ACACB: variants seen among roughly 807,000 people sequenced by gnomAD.
ACACB encodes the protein acetyl-CoA carboxylase beta, also known as acetyl-CoA carboxylase 2.
Under a neutral mutation model 278.8 loss-of-function variants are expected in ACACB, and 209 were observed. The observed-to-expected ratio is 0.75, with a 90% CI of 0.67 to 0.84. ACACB has a LOEUF of 0.84. Ranked by LOEUF, ACACB falls within the 40% of genes least tolerant of loss-of-function variation. The pLI is 0.00. For missense variants in ACACB, 2,850 were observed against 3,269.0 expected (o/e 0.87, Z 3.13); for synonymous variants, 1,174 against 1,285.6 (o/e 0.91, Z 1.86).
chr12:109,247,799 G>A, intron 40 of ACACB, 96 bp downstream of exon 40: 2 of 1,020,380 alleles, frequency 2.0e-6, no homozygotes, highest in East Asian at 2.5e-5. Context: ...CCAGTGGGGT[G>A]GTGGTGTTTG....
chr12:109,260,420 A>G, intron 47 of ACACB, 60 bp from the exon 48 acceptor site: 1 of 1,598,992 alleles, frequency 6.3e-7, no homozygotes, highest in South Asian at 1.1e-5. Context: ...CAACTAGGGC[A>G]GTGGGTTTCA....
At position 109,216,962 on chromosome 12, in the gene ACACB, A is replaced by C. The variant is rs116054310; in HGVS notation, c.3564+42A>C. ...CCTGTTACTAGACTGGGGGTGGGTC[A>C]GGAGTCCACAAACGTTTTCTTAAAA... On this transcript the variant is annotated intron_variant, in intron 24 of 52. Coordinates refer to ENST00000338432, the MANE Select transcript of ACACB (RefSeq NM_001093.4). 677 of 1,599,096 alleles carry C rather than the reference A, an allele frequency of 4.2e-4. 2 individuals are homozygous for C. In the African/African-American group the frequency reaches 8.3e-3, roughly 20 times the overall value.
At chr12:109,159,708 C>T (rs1412847644) in intron 2 of ACACB, among the ~76,000 whole-genome samples, 4 of 151,930 alleles carry the variant, frequency 2.6e-5, no homozygotes, top group Non-Finnish European at 5.9e-5. Flanking sequence ...TGGTCTCCAC[C>T]CACTAGATGC....
intron 37 of ACACB, among the ~76,000 whole-genome samples, chr12:109,242,982 G>A (rs981445814): frequency 4.0e-5 from 6 of 151,852 alleles, no homozygotes; most frequent in Non-Finnish European, 5.9e-5. Context: ...AAAAGAACAA[G>A]GTCTGCATTG....
chr12:109,169,142 C>CGAA (rs2044020415), intron 4 of ACACB, among the ~76,000 whole-genome samples: 1 of 105,818 alleles, frequency 9.5e-6, no homozygotes, highest in Admixed American at 1.1e-4. Context: ...GAGACTGTCT[C>CGAA]AAAAAAAAAA....
chr12:109,200,775 A>G (rs573553125), intron 18 of ACACB, among the ~76,000 whole-genome samples: 1 of 152,218 alleles, frequency 6.6e-6, no homozygotes, highest in Non-Finnish European at 1.5e-5. Context: ...CAATAATAGC[A>G]ATGAAAATAC....
rs539072507 is a variant in ACACB, at chr12:109,200,196, T to C, written c.2778+644T>C. 5.7e-4 allele frequency among the ~76,000 whole-genome samples: 87 copies of C among 152,182 alleles called. 4 individuals carry two copies. In the South Asian group the frequency reaches 0.017, roughly 29 times the overall value. Reference sequence around the variant, plus strand: ...ATCAGTTTCCTTGATTTCTTTATTTTTTTTTTGAGACAAGTCTCAGTCTGT... The same window carrying C: ...ATCAGTTTCCTTGATTTCTTTATTTCTTTTTTGAGACAAGTCTCAGTCTGT... On this transcript the variant is annotated intron_variant, in intron 18 of 52. Coordinates refer to ENST00000338432, the MANE Select transcript of ACACB (RefSeq NM_001093.4).
Position 109,265,525 on chromosome 12 carries a change from G to T in ACACB, c.7250G>T (p.Gly2417Val). 6.2e-7 allele frequency: 1 copy of T among 1,613,112 alleles called. No individual in the cohort carries two copies. Among genetic ancestry groups the T allele is most frequent in the Non-Finnish European group, 8.5e-7 (1 of 1,179,682 alleles). ...GACTCTGTCCTCAAGACCATCCGAG[G>T]GTGAGTGGCCACCGCACCTGCTTCC... ...KHDSVLKTIRGLVEENPEVAV... is the reference protein window; with the variant it reads ...KHDSVLKTIRVLVEENPEVAV... Residue 2417 changes from glycine to valine, a missense_variant and splice_region_variant, in exon 52 of 53, where the codon GGC becomes GTC. By Grantham distance (109) the Gly-to-Val change is moderately radical. This residue lies in a region of ACACB where 579 missense variants were observed against 684.6 expected (regional missense o/e 0.85). Transcript: ENST00000338432.
At chr12:109,244,591 T>A (rs990465410) in intron 37 of ACACB, among the ~76,000 whole-genome samples, 2 of 152,116 alleles carry the variant, frequency 1.3e-5, no homozygotes, top group Non-Finnish European at 2.9e-5. Context: ...CCATTGTCTC[T>A]TTTTTACAGG....
chr12:109,195,320 C>G (rs1199109547), intron 16 of ACACB, among the ~76,000 whole-genome samples: 2 of 152,322 alleles, frequency 1.3e-5, no homozygotes, highest in African/African-American at 4.8e-5. Flanking sequence ...TTAGTACTTT[C>G]TATTTAATAT....
intron 19 of ACACB, among the ~76,000 whole-genome samples, chr12:109,203,959 A>C (rs2045414845): frequency 6.6e-6 from 1 of 152,214 alleles, no homozygotes; most frequent in Non-Finnish European, 1.5e-5. Flanking sequence ...CCAGTAAAAA[A>C]AAAATTTAAA....
intron 6 of ACACB, among the ~76,000 whole-genome samples, chr12:109,173,585 G>A (rs183543891): frequency 1.4e-4 from 21 of 152,278 alleles, no homozygotes; most frequent in Middle Eastern, 3.4e-3. Flanking sequence ...CAGCCCACTG[G>A]ACAAACTACA....
upstream of ACACB, among the ~76,000 whole-genome samples, chr12:109,113,698 C>T (rs902120716): frequency 2.7e-4 from 41 of 152,174 alleles, no homozygotes; most frequent in Non-Finnish European, 5.9e-5. Flanking sequence ...TAAAAGTCTT[C>T]GCAAGTATGT....
rs770275246 is a variant in ACACB, at chr12:109,176,218, C to G, written c.1392C>G (p.Ile464Met). The change falls in exon 9 of 53, where the codon ATC (isoleucine) becomes ATG (methionine). Residue 464 changes from isoleucine to methionine, a missense_variant. By Grantham distance (10) the Ile-to-Met change is conservative (BLOSUM62 1). Around this residue, in one of 3 missense-constraint regions of ACACB, gnomAD observed 2,265 missense variants for 2,561.3 expected, o/e 0.88. Coordinates refer to ENST00000338432, the MANE Select transcript of ACACB (RefSeq NM_001093.4). ...KASEGGGGKG[I>M]RKAESAEDFP... ...CTGAAGGTGGCGGAGGGAAGGGAAT[C>G]CGGAAGGCTGAGAGTGCGGAGGACT... The G allele has an allele frequency of 4.3e-6, 7 of 1,614,074 alleles. No individual in the cohort carries two copies. The highest frequency in any genetic ancestry group is 3.3e-5 in the Admixed American group (2 of 60,000).
chr12:109,178,140 C>CTGTATATACTTTTA (rs1372519207), intron 9 of ACACB, among the ~76,000 whole-genome samples: 23 of 152,224 alleles, frequency 1.5e-4, no homozygotes, highest in African/African-American at 5.5e-4. Context: ...AGCACTGTCA[C>CTGTATATACTTTTA]TGTATATACT....
intron 31 of ACACB, among the ~76,000 whole-genome samples, 183 bp from the exon 32 acceptor site, chr12:109,235,130 A>G (rs1042957154): frequency 3.5e-4 from 53 of 152,190 alleles, no homozygotes; most frequent in African/African-American, 8.7e-4. Flanking sequence ...CTTTCTCTCT[A>G]TATAGATTTG....
At chr12:109,123,845 A>T (rs1325658437) in intron 1 of ACACB, among the ~76,000 whole-genome samples, 6 of 145,662 alleles carry the variant, frequency 4.1e-5, no homozygotes, top group South Asian at 2.2e-4. Context: ...CGCCTGGCTA[A>T]TTTTTTTTTT....
Position 109,233,979 on chromosome 12 carries a change from C to T in ACACB, c.4281C>T (p.Ile1427=), listed in dbSNP as rs756312436. Reference sequence around the variant, plus strand: ...CCATCCACATTCTGAATGTGTCCATCCAGTGTGCAGACCACCTGGAGGATG... The same window carrying T: ...CCATCCACATTCTGAATGTGTCCATTCAGTGTGCAGACCACCTGGAGGATG... ...EEPIHILNVS[I]QCADHLEDEA... The change falls in exon 31 of 53, where the codon ATC becomes ATT. Residue 1427 remains isoleucine, a synonymous_variant. Coordinates refer to ENST00000338432, the MANE Select transcript of ACACB (RefSeq NM_001093.4). The T allele has an allele frequency of 1.1e-5, 17 of 1,614,162 alleles. No homozygotes were observed. The South Asian group carries it at 1.8e-4, about 17-fold the overall frequency.
chr12:109,243,144 C>G (rs1329238694), intron 37 of ACACB, among the ~76,000 whole-genome samples: 1 of 152,168 alleles, frequency 6.6e-6, no homozygotes, highest in African/African-American at 2.4e-5. Flanking sequence ...GTCCCACACT[C>G]TGATGACAAA....
Sources: allele counts gnomAD v4.1 joint callset (sites outside exome capture counted in the v4.1 genomes callset), GRCh38; gene constraint gnomAD v4.1.1; regional missense constraint gnomAD v4.1.1; transcripts MANE v1.5; gene names NCBI Gene and HGNC (gene_info 2026-07-23, HGNC 2026-07-21).